TMEM170B: variants seen among roughly 807,000 people sequenced by gnomAD.
The protein encoded by TMEM170B is transmembrane protein 170B.
A neutral mutation model predicts 13.0 loss-of-function variants in TMEM170B; 6 were observed. The ratio of observed to expected loss-of-function variants is 0.46; its 90% CI spans 0.25 to 0.91. The LOEUF (loss-of-function observed/expected upper bound fraction) is 0.91. Ranked by LOEUF, TMEM170B falls within the 40% of genes least tolerant of loss-of-function variation. TMEM170B has a pLI of 0.17. For synonymous variants in TMEM170B, 61 were observed against 64.9 expected (o/e 0.94, Z 0.29); for missense variants, 138 against 165.2 (o/e 0.84, Z 0.90).
chr6:11,561,396 A>G (rs1211805623), intron 1 of TMEM170B, among the ~76,000 whole-genome samples: 1 of 152,152 alleles, frequency 6.6e-6, no homozygotes, highest in Non-Finnish European at 1.5e-5. Flanking sequence ...AAAGGCTGTG[A>G]TATTCCACTC....
chr6:11,575,542 G>A lies in TMEM170B; in HGVS notation c.380G>A (p.Arg127Lys). 6.2e-7 allele frequency: 1 copy of A among 1,613,046 alleles called. No homozygotes were observed. The highest frequency in any genetic ancestry group is 2.2e-5 in the East Asian group (1 of 44,862). The change falls in exon 3 of 3, where the codon AGG (arginine) becomes AAG (lysine). Residue 127 changes from arginine (R) to lysine (K), a missense_variant. Transcript: ENST00000379426. This position sits in a 1 kb window ranked among gnomAD's most constrained non-coding sequence, Gnocchi z 4.1. ...TVLTLIISFS[R>K]ILATL ...CTGACATTAATCATCTCCTTTTCAA[G>A]GATCCTCGCTACACTTTGAGGTTTC...
At chr6:11,542,543 T>C (rs1759376652) in intron 1 of TMEM170B, among the ~76,000 whole-genome samples, 1 of 152,198 alleles carries the variant, frequency 6.6e-6, no homozygotes, top group South Asian at 2.1e-4. Flanking sequence ...ATAACTACTG[T>C]CTGAATATGT....
intron 1 of TMEM170B, among the ~76,000 whole-genome samples, chr6:11,562,447 A>C (rs778828388): frequency 6.6e-6 from 1 of 150,496 alleles, no homozygotes; most frequent in Non-Finnish European, 1.5e-5. Flanking sequence ...TTTAACACAC[A>C]CTGTAAAATA....
rs1378316519 is a variant in TMEM170B at position 11,581,465 on chromosome 6, C to T, written c.*5904C>T. The T allele has an allele frequency of 6.6e-6, 1 of 152,198 alleles. No homozygotes were observed. Among genetic ancestry groups the T allele is most frequent in the African/African-American group, 2.4e-5 (1 of 41,448 alleles). 9.4% of individuals were successfully genotyped at this position (152,198 alleles called of 1,614,324 possible). The stretch of plus-strand genomic sequence containing the variant: ...ATACATACATTTTTACGATTATGTA[C>T]TGCACCCACATGTATCTACTCTTGG... On this transcript the variant is annotated 3_prime_UTR_variant, in exon 3 of 3. Transcript: ENST00000379426.
At position 11,565,743 on chromosome 6, in the gene TMEM170B, G is replaced by T. The variant is rs778680238; in HGVS notation, c.175G>T (p.Val59Leu). The change falls in exon 2 of 3, where the codon GTG becomes TTG. Residue 59 changes from valine (V) to leucine (L), a missense_variant. Coordinates refer to ENST00000379426, the MANE Select transcript of TMEM170B (RefSeq NM_001100829.3). ...VHGAAGVLMF[V>L]MLQRHRQGRV... is the part of the protein sequence containing the mutation. The stretch of plus-strand genomic sequence containing the variant: ...TGGTGCTGCAGGAGTGTTGATGTTT[G>T]TGATGCTGCAGAGGCATAGGCAGGG... The T allele has an allele frequency of 2.5e-6, 4 of 1,614,172 alleles. No individual in the cohort carries two copies. The highest frequency in any genetic ancestry group is 3.4e-6 in the Non-Finnish European group (4 of 1,180,018).
At chr6:11,542,579 T>G (rs1265741078) in intron 1 of TMEM170B, among the ~76,000 whole-genome samples, 4 of 152,164 alleles carry the variant, frequency 2.6e-5, no homozygotes, top group Admixed American at 1.3e-4. Flanking sequence ...AGGATAAAAA[T>G]GCAGAAAGAA....
intron 1 of TMEM170B, among the ~76,000 whole-genome samples, chr6:11,554,345 C>G (rs1759561865): frequency 6.6e-6 from 1 of 151,538 alleles, no homozygotes; most frequent in African/African-American, 2.4e-5. Flanking sequence ...ACAATTAAAA[C>G]CATTGTATGG....
At position 11,538,356 on chromosome 6, in the gene TMEM170B, G is replaced by T; in HGVS notation, c.79G>T (p.Val27Leu). The change falls in exon 1 of 3, where the codon GTG (valine) becomes TTG (leucine). Residue 27 changes from valine to leucine, a missense_variant. By Grantham distance (32) the Val-to-Leu change is conservative (BLOSUM62 1). Transcript: ENST00000379426. ...CCTGAGCCTCTGGGCCCACGGGACG[G>T]TGCTGAGGAACCTCACGGGTAATTG... ...QVLSLWAHGT[V>L]LRNLTEMWYW... The T allele has an allele frequency of 6.6e-7, 1 of 1,515,860 alleles. No individual in the cohort carries two copies. The highest frequency in any genetic ancestry group is 8.8e-7 in the Non-Finnish European group (1 of 1,134,692). The allele number at this position is 1,515,860 out of a possible 1,614,324, so 93.9% of individuals were successfully genotyped here.
chr6:11,572,080 A>G (rs886259925), intron 2 of TMEM170B, among the ~76,000 whole-genome samples: 3 of 152,232 alleles, frequency 2.0e-5, no homozygotes, highest in Non-Finnish European at 2.9e-5. Context: ...ACATTGGTAC[A>G]GCTAATTTAG....
chr6:11,580,372 G>T lies in TMEM170B; in HGVS notation c.*4811G>T, dbSNP rs762759338. On this transcript the variant is annotated 3_prime_UTR_variant, in exon 3 of 3. Coordinates refer to ENST00000379426, the MANE Select transcript of TMEM170B (RefSeq NM_001100829.3). The stretch of plus-strand genomic sequence containing the variant: ...ATTTATGTTCATTATGTAATTCAGG[G>T]AGTAACGATGCCTGGAGCAATTTCT... The T allele has an allele frequency of 3.9e-5, 6 of 152,040 alleles. No individual in the cohort carries two copies. Among genetic ancestry groups the T allele is most frequent in the Non-Finnish European group, 7.4e-5 (5 of 68,022 alleles). 9.4% of individuals were successfully genotyped at this position (152,040 alleles called of 1,614,324 possible). A position where few individuals can be genotyped will look rare whatever the true frequency, so the allele number is the denominator to read the frequency against.
chr6:11,553,273 A>G (rs1195651), intron 1 of TMEM170B, among the ~76,000 whole-genome samples: 144,391 of 152,220 alleles, frequency 0.95, 68,969 homozygotes, highest in East Asian at 1. Context: ...TGTTGGACCC[A>G]TGCACTGCAA....
intron 1 of TMEM170B, among the ~76,000 whole-genome samples, chr6:11,543,494 C>T (rs1256161878): frequency 6.6e-6 from 1 of 152,104 alleles, no homozygotes; most frequent in East Asian, 1.9e-4. Context: ...TTTAGGCAAT[C>T]CTGAGAGATT....
At chr6:11,551,358 G>A (rs1032214762) in intron 1 of TMEM170B, among the ~76,000 whole-genome samples, 6 of 152,126 alleles carry the variant, frequency 3.9e-5, no homozygotes, top group East Asian at 1.9e-4. Flanking sequence ...AACATTGTGC[G>A]AGCAGACTGC....
chr6:11,541,940 G>A (rs898641459), intron 1 of TMEM170B, among the ~76,000 whole-genome samples: 5 of 152,060 alleles, frequency 3.3e-5, no homozygotes, highest in African/African-American at 9.7e-5. Context: ...AAGATTTATC[G>A]AGTAAATTAT....
intron 1 of TMEM170B, among the ~76,000 whole-genome samples, chr6:11,559,444 C>T (rs1010712768): frequency 2.0e-5 from 3 of 152,088 alleles, no homozygotes; most frequent in Non-Finnish European, 4.4e-5. Flanking sequence ...AGTCAGTCTC[C>T]CAAACTGCTG....
chr6:11,559,302 T>G (rs1488954445), intron 1 of TMEM170B, among the ~76,000 whole-genome samples: 1 of 151,868 alleles, frequency 6.6e-6, no homozygotes, highest in Non-Finnish European at 1.5e-5. Context: ...GCTCAAGTGA[T>G]TCTCCCGTCT....
At chr6:11,564,411 A>C (rs1390952901) in intron 1 of TMEM170B, among the ~76,000 whole-genome samples, 1 of 152,190 alleles carries the variant, frequency 6.6e-6, no homozygotes, top group Non-Finnish European at 1.5e-5. Flanking sequence ...ATCCATTTTA[A>C]TTCTTTAATG....
intron 1 of TMEM170B, among the ~76,000 whole-genome samples, chr6:11,547,763 T>C (rs563192582): frequency 2.0e-5 from 3 of 152,334 alleles, no homozygotes; most frequent in Admixed American, 2.0e-4. Flanking sequence ...CATAAATTCA[T>C]ATCCTCTAGC....
rs1582150122 is a variant in TMEM170B, at chr6:11,581,247, T to C, written c.*5686T>C. The C allele has an allele frequency of 6.6e-6, 1 of 152,224 alleles. No homozygotes were observed. The highest frequency in any genetic ancestry group is 1.9e-4 in the East Asian group (1 of 5,202). The allele number at this position is 152,224 out of a possible 1,614,324, so 9.4% of individuals were successfully genotyped here. A position where few individuals can be genotyped will look rare whatever the true frequency, so the allele number is the denominator to read the frequency against. The stretch of plus-strand genomic sequence containing the variant: ...ACTCTTCCCTGATTTTGAGAACGAA[T>C]TTAGCAATTTCCTAAAAATCTTCCT... On this transcript the variant is annotated 3_prime_UTR_variant, in exon 3 of 3. Transcript: ENST00000379426.
Sources: gnomAD v4.1 joint callset for allele counts (sites outside exome capture counted in the v4.1 genomes callset) on GRCh38, gnomAD v4.1.1 for gene constraint, Gnocchi (gnomAD v3.1) non-coding constraint, MANE v1.5 for transcripts, NCBI Gene and HGNC (gene_info 2026-07-23, HGNC 2026-07-21) for gene names.